ADCY8: variants seen among roughly 807,000 people sequenced by gnomAD.
The protein encoded by ADCY8 is adenylate cyclase 8.
ADCY8 carries 51 observed loss-of-function variants against 119.7 expected under a neutral mutation model. The ratio of observed to expected loss-of-function variants is 0.43; its 90% CI spans 0.34 to 0.54. The LOEUF is 0.54. Among genes scored for constraint, ADCY8 ranks in the 20% least tolerant of loss-of-function variants. The pLI is 0.03. For synonymous variants in ADCY8, 665 were observed against 651.0 expected (o/e 1.02, Z -0.33); for missense variants, 1,383 against 1,598.8 (o/e 0.87, Z 2.30).
At chr8:130,813,891 T>C (rs2130169320) in intron 14 of ADCY8, among the ~76,000 whole-genome samples, 178 bp downstream of exon 14, 1 of 152,304 alleles carries the variant, frequency 6.6e-6, no homozygotes. Context: ...ATCCATCTTG[T>C]AGATGAGGTG....
At chr8:130,933,537 G>T (rs150378185) in intron 5 of ADCY8, among the ~76,000 whole-genome samples, 1 of 152,208 alleles carries the variant, frequency 6.6e-6, no homozygotes, top group African/African-American at 2.4e-5. Context: ...TTCCTTTTTA[G>T]CATGCTTTCT....
At chr8:130,837,661 A>G (rs987884517) in intron 11 of ADCY8, among the ~76,000 whole-genome samples, 1 of 152,256 alleles carries the variant, frequency 6.6e-6, no homozygotes, top group African/African-American at 2.4e-5. Context: ...TTAGAGAAGT[A>G]TCCTAATATA....
intron 1 of ADCY8, among the ~76,000 whole-genome samples, chr8:131,021,942 T>C (rs1823682743): frequency 6.6e-6 from 1 of 152,172 alleles, no homozygotes; most frequent in Non-Finnish European, 1.5e-5. Flanking sequence ...AAAAACAATT[T>C]AGGGTAATTC....
chr8:130,966,966 T>C (rs1264821050), intron 2 of ADCY8, among the ~76,000 whole-genome samples: 1 of 152,100 alleles, frequency 6.6e-6, no homozygotes, highest in East Asian at 1.9e-4. Flanking sequence ...CTTTCACTCT[T>C]AGAAAAAAGG....
chr8:130,873,021 C>T (rs1818423046), intron 8 of ADCY8, among the ~76,000 whole-genome samples: 1 of 152,176 alleles, frequency 6.6e-6, no homozygotes, highest in Admixed American at 6.5e-5. Flanking sequence ...TGAGAAACCC[C>T]AGTCTGATCA....
At chr8:130,872,976 G>A (rs962305461) in intron 8 of ADCY8, among the ~76,000 whole-genome samples, 2 of 152,184 alleles carry the variant, frequency 1.3e-5, no homozygotes, top group African/African-American at 4.8e-5. Flanking sequence ...ATAGTCATGA[G>A]GGTCAATGGG....
intron 1 of ADCY8, among the ~76,000 whole-genome samples, chr8:131,033,654 C>T (rs1824060669): frequency 6.6e-6 from 1 of 152,120 alleles, no homozygotes; most frequent in Admixed American, 6.5e-5. Flanking sequence ...AGCCTATTTG[C>T]AACTCCAGGG....
chr8:131,023,526 C>G (rs1215083099), intron 1 of ADCY8, among the ~76,000 whole-genome samples: 1 of 152,154 alleles, frequency 6.6e-6, no homozygotes, highest in African/African-American at 2.4e-5. Context: ...CACAGTGCCA[C>G]TTTCATAAGT....
At chr8:130,872,769 T>C (rs1305005630) in intron 8 of ADCY8, among the ~76,000 whole-genome samples, 1 of 152,172 alleles carries the variant, frequency 6.6e-6, no homozygotes, top group Non-Finnish European at 1.5e-5. Flanking sequence ...TTTATTTAAA[T>C]GCAACAGAAG....
At chr8:130,960,989 A>T (rs1045654098) in intron 2 of ADCY8, among the ~76,000 whole-genome samples, 3 of 151,978 alleles carry the variant, frequency 2.0e-5, no homozygotes, top group Middle Eastern at 3.4e-3. Flanking sequence ...AGAAATTCCA[A>T]ACCCCTTATA....
chr8:130,886,516 G>C (rs1224279753), intron 7 of ADCY8, among the ~76,000 whole-genome samples: 2 of 151,968 alleles, frequency 1.3e-5, no homozygotes, highest in Non-Finnish European at 2.9e-5. Context: ...TCAGCCACTT[G>C]GTGGATTTCT....
chr8:130,848,548 C>T (rs765176881), intron 10 of ADCY8, among the ~76,000 whole-genome samples: 1 of 152,162 alleles, frequency 6.6e-6, no homozygotes, highest in Non-Finnish European at 1.5e-5. Flanking sequence ...CCAAATTGGA[C>T]AGTGATTTCA....
chr8:131,030,741 T>C (rs1430341952), intron 1 of ADCY8, among the ~76,000 whole-genome samples: 1 of 152,236 alleles, frequency 6.6e-6, no homozygotes, highest in African/African-American at 2.4e-5. Flanking sequence ...GAAAAGTTTA[T>C]CTATTCAATA....
chr8:130,821,287 G>T, intron 13 of ADCY8, 55 bp downstream of exon 13: 2 of 1,483,038 alleles, frequency 1.3e-6, no homozygotes, highest in Non-Finnish European at 1.9e-6. Flanking sequence ...AGGCCAGTTT[G>T]ATGGTAACAA....
At chr8:130,968,314 C>T (rs752796216) in intron 2 of ADCY8, among the ~76,000 whole-genome samples, 12 of 151,984 alleles carry the variant, frequency 7.9e-5, no homozygotes, top group African/African-American at 1.4e-4. Flanking sequence ...GGACTACAGG[C>T]GCCCACCACC....
At chr8:130,865,856 C>T (rs909254353) in intron 9 of ADCY8, among the ~76,000 whole-genome samples, 4 of 152,092 alleles carry the variant, frequency 2.6e-5, no homozygotes, top group Admixed American at 1.3e-4. Flanking sequence ...ATCAGTTTCA[C>T]GAGTTCATAG....
chr8:130,836,708 C>T (rs1816999050), intron 11 of ADCY8, among the ~76,000 whole-genome samples: 1 of 152,152 alleles, frequency 6.6e-6, no homozygotes. Context: ...CTTCCCTACA[C>T]AGGCCATCCT....
At chr8:130,833,271 G>A (rs112148611) in intron 12 of ADCY8, among the ~76,000 whole-genome samples, 1,808 of 152,276 alleles carry the variant, frequency 0.012, 48 homozygotes, top group African/African-American at 0.041. Context: ...TTTACTGGCC[G>A]TGTGAACCTG....
At chr8:130,991,293 T>G (rs1197588628) in intron 1 of ADCY8, among the ~76,000 whole-genome samples, 2 of 152,216 alleles carry the variant, frequency 1.3e-5, no homozygotes, top group Admixed American at 1.3e-4. Context: ...TCACAGCTCA[T>G]GCAGTGTGTG....
Sources: allele counts gnomAD v4.1 joint callset (sites outside exome capture counted in the v4.1 genomes callset), GRCh38; gene constraint gnomAD v4.1.1; transcripts MANE v1.5; gene names NCBI Gene and HGNC (gene_info 2026-07-23, HGNC 2026-07-21).